The following CDH12 variants were observed in gnomAD, a reference collection of about 807,000 sequenced individuals.
The protein encoded by CDH12 is cadherin-12.
A neutral mutation model predicts 74.1 loss-of-function variants in CDH12; 41 were observed. The ratio of observed to expected loss-of-function variants is 0.55; its 90% CI spans 0.43 to 0.72. The LOEUF is 0.72. Ranked by LOEUF, CDH12 falls within the 30% of genes least tolerant of loss-of-function variation. The probability of loss-of-function intolerance (pLI) is 0.00; values close to 1 mark genes in which losing one functional copy is unlikely to be tolerated. For synonymous variants in CDH12, 399 were observed against 355.0 expected, an observed-to-expected ratio of 1.12 and a Z score of -1.39; for missense variants, 945 against 977.2, an observed-to-expected ratio of 0.97 and a Z score of 0.44.
chr5:22,701,273 C>T (rs1215290051), intron 1 of CDH12, among the ~76,000 whole-genome samples: 1 of 152,108 alleles, frequency 6.6e-6, no homozygotes. Flanking sequence ...GCAAATTGCA[C>T]CCTCATTGAT....
rs36126825 is a variant in CDH12, at chr5:21,915,822, C to CTGTGTGTGTG, written c.526+59259_526+59268dup. On this transcript the variant is annotated intron_variant, in intron 6 of 14. Transcript: ENST00000382254. Reference sequence around the variant, plus strand: ...GTACACCAGTTTCTGATCATTTGTGCTGTGTGTGTGTGTGTGTGTGTGTGT... The same window carrying CTGTGTGTGTG: ...GTACACCAGTTTCTGATCATTTGTGCTGTGTGTGTGTGTGTGTGTGTGTGTGTGTGTGTGT... Among the ~76,000 whole-genome samples, 533 of 140,114 alleles carry CTGTGTGTGTG rather than the reference C, an allele frequency of 3.8e-3. 3 individuals carry two copies. The highest frequency in any genetic ancestry group is 8.8e-3 in the South Asian group (36 of 4,092). 91.9% of individuals were successfully genotyped at this position (140,114 alleles called of 152,430 possible).
chr5:21,982,133 T>C (rs1246819549), intron 5 of CDH12, among the ~76,000 whole-genome samples: 2 of 152,282 alleles, frequency 1.3e-5, no homozygotes, highest in African/African-American at 4.8e-5. Flanking sequence ...ATAAAATAGA[T>C]TGCCTTCCCT....
intron 6 of CDH12, among the ~76,000 whole-genome samples, chr5:21,893,320 G>A (rs1752976571): frequency 6.6e-6 from 1 of 152,112 alleles, no homozygotes; most frequent in South Asian, 2.1e-4. Context: ...CAAAAACAGG[G>A]CCACAATAAA....
chr5:22,806,351 CTTT>C (rs35491823), intron 1 of CDH12, among the ~76,000 whole-genome samples: 8 of 126,342 alleles, frequency 6.3e-5, no homozygotes, highest in Non-Finnish European at 3.3e-5. Context: ...GATTGCCATT[CTTT>C]TTTTTTTTTT....
chr5:22,466,477 T>A (rs1745733545), intron 2 of CDH12, among the ~76,000 whole-genome samples: 1 of 151,920 alleles, frequency 6.6e-6, no homozygotes, highest in Admixed American at 6.6e-5. Flanking sequence ...TATGAGCGAG[T>A]GTATGGCTGA....
intron 2 of CDH12, among the ~76,000 whole-genome samples, chr5:22,483,712 G>T: frequency 1.3e-5 from 1 of 75,814 alleles, no homozygotes; most frequent in Non-Finnish European, 2.7e-5. Flanking sequence ...ATAAGACCAG[G>T]TTGGGCAACA....
At chr5:22,765,739 G>A (rs1746475262) in intron 1 of CDH12, among the ~76,000 whole-genome samples, 1 of 151,724 alleles carries the variant, frequency 6.6e-6, no homozygotes, top group Non-Finnish European at 1.5e-5. Flanking sequence ...AATAAGAAAT[G>A]TAGAAAAGTA....
At chr5:22,836,223 C>CTTTTTTTTT (rs61616737) in intron 1 of CDH12, among the ~76,000 whole-genome samples, 2,100 of 65,292 alleles carry the variant, frequency 0.032, 507 homozygotes, top group African/African-American at 0.066. Context: ...CTTTCTTTCT[C>CTTTTTTTTT]TTTTTTTTTT....
At chr5:22,159,162 A>G (rs996195856) in intron 4 of CDH12, among the ~76,000 whole-genome samples, 2 of 152,130 alleles carry the variant, frequency 1.3e-5, no homozygotes, top group Non-Finnish European at 2.9e-5. Context: ...AATCAGCTAG[A>G]AGAGAAAGAA....
In CDH12 at chr5:22,715,939, T is replaced by G. The variant is rs1271646705; in HGVS notation, c.-523+137119A>C. Among the ~76,000 whole-genome samples the G allele has an allele frequency of 5.9e-5, 9 of 151,970 alleles. No individual in the cohort carries two copies. The East Asian group carries it at 1.7e-3, about 29-fold the overall frequency. On this transcript the variant is annotated intron_variant, in intron 1 of 14. Transcript: ENST00000382254. The stretch of plus-strand genomic sequence containing the variant: ...ATCACTTGAGGTCAGGAGTTCAAGA[T>G]GAGCCTGGCCCACATGGTGAAACTC...
At chr5:22,406,540 C>T (rs1742947801) in intron 2 of CDH12, among the ~76,000 whole-genome samples, 1 of 151,978 alleles carries the variant, frequency 6.6e-6, no homozygotes, top group South Asian at 2.1e-4. Context: ...CTCTTTCCAC[C>T]AGATAAAAAA....
In CDH12 at chr5:22,153,870, A is replaced by ATG. The variant is rs1554015710; in HGVS notation, c.-187+58626_-187+58627dup. On this transcript the variant is annotated intron_variant, in intron 4 of 14. Coordinates refer to ENST00000382254, the MANE Select transcript of CDH12 (RefSeq NM_004061.5). ...TATATGTGTGTGTGTATATATATATATGTATATATATATATATAAATATAT... is the reference window on the plus strand; with the variant it reads ...TATATGTGTGTGTGTATATATATATATGTGTATATATATATATATAAATATAT... Among the ~76,000 whole-genome samples the ATG allele has an allele frequency of 1.2e-3, 100 of 84,014 alleles. 2 individuals carry two copies. In the South Asian group the frequency reaches 0.016, roughly 13 times the overall value. 55.1% of individuals were successfully genotyped at this position (84,014 alleles called of 152,430 possible).
chr5:21,984,432 C>T (rs1208195817), intron 5 of CDH12, among the ~76,000 whole-genome samples: 1 of 152,082 alleles, frequency 6.6e-6, no homozygotes, highest in East Asian at 1.9e-4. Context: ...AAATTTTATG[C>T]CTTTTCTTTG....
At chr5:22,832,450 G>C (rs1185151831) in intron 1 of CDH12, among the ~76,000 whole-genome samples, 2 of 152,054 alleles carry the variant, frequency 1.3e-5, no homozygotes, top group East Asian at 3.9e-4. Context: ...GGAATACTTT[G>C]AATATAAGCG....
intron 6 of CDH12, among the ~76,000 whole-genome samples, chr5:21,906,650 G>A (rs7380365): frequency 0.68 from 103,756 of 151,976 alleles, 37,622 homozygotes; most frequent in Non-Finnish European, 0.79. Flanking sequence ...AAAAAAATCC[G>A]AATTTAGGCA....
intron 4 of CDH12, among the ~76,000 whole-genome samples, chr5:22,081,196 C>T (rs569419943): frequency 6.6e-6 from 1 of 152,116 alleles, no homozygotes; most frequent in Admixed American, 6.5e-5. Flanking sequence ...GTTTGAATCA[C>T]AAACTGTGAT....
intron 1 of CDH12, among the ~76,000 whole-genome samples, chr5:22,676,915 T>C (rs911033370): frequency 6.6e-6 from 1 of 152,196 alleles, no homozygotes; most frequent in Non-Finnish European, 1.5e-5. Context: ...ATTGAGAGAC[T>C]AGACTGCATC....
chr5:22,752,499 G>A lies in CDH12; in HGVS notation c.-523+100559C>T, dbSNP rs1745629201. Among the ~76,000 whole-genome samples, 4 of 125,268 alleles carry A rather than the reference G, an allele frequency of 3.2e-5. No homozygotes were observed. The Admixed American group carries it at 3.3e-4, about 10-fold the overall frequency. The allele number at this position is 125,268 out of a possible 152,430, so 82.2% of individuals were successfully genotyped here. A position where few individuals can be genotyped will look rare whatever the true frequency, so the allele number is the denominator to read the frequency against. The stretch of plus-strand genomic sequence containing the variant: ...CTCAAACTATGTGCCTGCTCTTTGT[G>A]TTAGGTTCTGGGGATGCAGTGATGA... On this transcript the variant is annotated intron_variant, in intron 1 of 14. Transcript: ENST00000382254.
intron 1 of CDH12, among the ~76,000 whole-genome samples, chr5:22,792,361 C>G (rs1747959967): frequency 6.6e-6 from 1 of 152,060 alleles, no homozygotes; most frequent in South Asian, 2.1e-4. Context: ...AGTGCTGGGA[C>G]TGCAGGCGTG....
Sources: gnomAD v4.1 joint callset for allele counts (sites outside exome capture counted in the v4.1 genomes callset) on GRCh38, gnomAD v4.1.1 for gene constraint, MANE v1.5 for transcripts, NCBI Gene and HGNC (gene_info 2026-07-23, HGNC 2026-07-21) for gene names.